Variants in IL2RA observed in about 807,000 individuals in gnomAD.
The protein encoded by IL2RA is interleukin 2 receptor subunit alpha.
A neutral mutation model predicts 37.8 loss-of-function variants in IL2RA; 24 were observed. The ratio of observed to expected loss-of-function variants is 0.63; its 90% confidence interval spans 0.46 to 0.89. The LOEUF is 0.89. Among genes scored for constraint, IL2RA ranks in the 40% least tolerant of loss-of-function variants. The pLI is 0.00. For missense variants in IL2RA, 319 were observed against 348.6 expected (o/e 0.92, Z 0.68); for synonymous variants, 125 against 114.6 (o/e 1.09, Z -0.58).
At position 6,046,402 on chromosome 10, in the gene IL2RA, C is replaced by T. The variant is rs891813249; in HGVS notation, c.64+15686G>A. The stretch of plus-strand genomic sequence containing the variant: ...AACAGCATCATAAAAGTGTCAAATC[C>T]GTGTGTTCACAGATGCTACCCCAGA... On this transcript the variant is annotated intron_variant, in intron 1 of 7. Coordinates refer to ENST00000379959, the MANE Select transcript of IL2RA (RefSeq NM_000417.3). This position sits in a 1 kb window ranked among gnomAD's most constrained non-coding sequence, Gnocchi z 4.8. Among the ~76,000 whole-genome samples, 2 of 152,088 alleles carry T rather than the reference C, an allele frequency of 1.3e-5. No individual in the cohort carries two copies. The highest frequency in any genetic ancestry group is 2.9e-5 in the Non-Finnish European group (2 of 68,016).
Position 6,022,004 on chromosome 10 carries a change from C to T in IL2RA, c.368-311G>A, listed in dbSNP as rs570627092. ...GCGATTCATTCTGGTTGGTGCGGCC[C>T]CGAGACAGGAACGCCACAACTGCCT... On this transcript the variant is annotated intron_variant, in intron 3 of 7. Coordinates refer to ENST00000379959, the MANE Select transcript of IL2RA (RefSeq NM_000417.3). This position sits in a 1 kb window ranked among gnomAD's most constrained non-coding sequence, Gnocchi z 4.7. 8.2e-4 allele frequency among the ~76,000 whole-genome samples: 125 copies of T among 152,140 alleles called. No individual in the cohort carries two copies. The highest frequency in any genetic ancestry group is 7.7e-4 in the East Asian group (4 of 5,180).
chr10:6,020,608 A>C lies in IL2RA; in HGVS notation c.584-667T>G, dbSNP rs1455541473. 1.3e-5 allele frequency among the ~76,000 whole-genome samples: 2 copies of C among 151,754 alleles called. No homozygotes were observed. Among genetic ancestry groups the C allele is most frequent in the African/African-American group, 4.8e-5 (2 of 41,256 alleles). On this transcript the variant is annotated intron_variant, in intron 4 of 7. Coordinates refer to ENST00000379959, the MANE Select transcript of IL2RA (RefSeq NM_000417.3). This position sits in a 1 kb window ranked among gnomAD's most constrained non-coding sequence, Gnocchi z 5.6. ...GAGTGCAGTGGTGTGATCTCAGCTC[A>C]CTGCAACTCCACCTCCTGGGTTCAA...
rs762837534 is a variant in IL2RA, at chr10:6,019,459, C to T, written c.696G>A (p.Thr232=). 1.4e-5 allele frequency: 22 copies of T among 1,613,548 alleles called. No individual in the cohort carries two copies. The highest frequency in any genetic ancestry group is 1.0e-4 in the Admixed American group (6 of 60,004). Residue 232 remains threonine, a synonymous_variant, in exon 6 of 8, where the codon ACG becomes ACA. Coordinates refer to ENST00000379959, the MANE Select transcript of IL2RA (RefSeq NM_000417.3). ...IQTEMAATME[T]SIFTTEYQVA... ...CCTGGTACTCTGTTGTAAATATGGA[C>T]GTCTCCATGGTTGCAGCCATTTCTG...
At chr10:6,024,133 C>T (rs1204263193) in intron 3 of IL2RA, 111 bp downstream of exon 3, 28 of 751,492 alleles carry the variant, frequency 3.7e-5, no homozygotes, top group Admixed American at 5.9e-5. Context: ...GAGCCACATG[C>T]ATGTGTTTAT....
At position 6,015,960 on chromosome 10, in the gene IL2RA, G is replaced by A. The variant is rs376530822; in HGVS notation, c.794+2093C>T. Among the ~76,000 whole-genome samples, 2 of 152,162 alleles carry A rather than the reference G, an allele frequency of 1.3e-5. No individual in the cohort carries two copies. Among genetic ancestry groups the A allele is most frequent in the African/African-American group, 2.4e-5 (1 of 41,422 alleles). Reference sequence around the variant, plus strand: ...TGGGGAGAATGGGGAACTTGGCAGTGTGGGGCTTCTCTTGGGAATGATGGA... The same window carrying A: ...TGGGGAGAATGGGGAACTTGGCAGTATGGGGCTTCTCTTGGGAATGATGGA... On this transcript the variant is annotated intron_variant, in intron 7 of 7. Coordinates refer to ENST00000379959, the MANE Select transcript of IL2RA (RefSeq NM_000417.3). The surrounding 1 kb of genome is among the most constrained non-coding windows in gnomAD (Gnocchi z 4.9).
At position 6,015,118 on chromosome 10, in the gene IL2RA, A is replaced by C. The variant is rs1839255396; in HGVS notation, c.795-2222T>G. ...TTTCTTTCTTTTTTTTTTTAAACAG[A>C]GTCTTGCTGTGTCACCCAGGGTGGA... On this transcript the variant is annotated intron_variant, in intron 7 of 7. Transcript: ENST00000379959. This position sits in a 1 kb window ranked among gnomAD's most constrained non-coding sequence, Gnocchi z 4.9. 6.7e-6 allele frequency among the ~76,000 whole-genome samples: 1 copy of C among 149,240 alleles called. No homozygotes were observed. The highest frequency in any genetic ancestry group is 2.1e-4 in the South Asian group (1 of 4,686).
chr10:6,050,446 G>C (rs558995128), intron 1 of IL2RA, among the ~76,000 whole-genome samples: 2 of 152,270 alleles, frequency 1.3e-5, no homozygotes, highest in African/African-American at 4.8e-5. Flanking sequence ...AGACCAGCCT[G>C]GCCAACATGG....
In IL2RA at chr10:6,054,472, G is replaced by C. The variant is rs779353213; in HGVS notation, c.64+7616C>G. ...GAAGCTGGGGGAGAAGCACTCACAT[G>C]CTGTCTGTCTGAGCAAAAGTATTCG... is the stretch of plus-strand genomic sequence containing the variant. On this transcript the variant is annotated intron_variant, in intron 1 of 7. Coordinates refer to ENST00000379959, the MANE Select transcript of IL2RA (RefSeq NM_000417.3). The surrounding 1 kb of genome is among the most constrained non-coding windows in gnomAD (Gnocchi z 4.5). Among the ~76,000 whole-genome samples, 1 of 152,210 alleles carries C rather than the reference G, an allele frequency of 6.6e-6. No homozygotes were observed. The highest frequency in any genetic ancestry group is 1.5e-5 in the Non-Finnish European group (1 of 68,044).
At position 6,051,836 on chromosome 10, in the gene IL2RA, T is replaced by TAGAGAGAGAGAG. The variant is rs1164269928; in HGVS notation, c.64+10251_64+10252insCTCTCTCTCTCT. ...GCCCAGCTATATATATATATATATA[T>TAGAGAGAGAGAG]ATATATAGAATTTTTTAAGGAAACA... is the stretch of plus-strand genomic sequence containing the variant. On this transcript the variant is annotated intron_variant, in intron 1 of 7. Transcript: ENST00000379959. Among the ~76,000 whole-genome samples, 77 of 121,450 alleles carry TAGAGAGAGAGAG rather than the reference T, an allele frequency of 6.3e-4. 3 individuals carry two copies. In the East Asian group the frequency reaches 9.0e-3, roughly 14 times the overall value. 79.7% of individuals were successfully genotyped at this position (121,450 alleles called of 152,430 possible). A position where few individuals can be genotyped will look rare whatever the true frequency, so the allele number is the denominator to read the frequency against.
chr10:6,059,079 C>T (rs1840087965), intron 1 of IL2RA, among the ~76,000 whole-genome samples: 1 of 152,226 alleles, frequency 6.6e-6, no homozygotes, highest in Non-Finnish European at 1.5e-5. Context: ...GAGAAAAAGT[C>T]TGTGATGAGA....
chr10:6,018,343 G>A lies in IL2RA; in HGVS notation c.728-224C>T, dbSNP rs1230961669. ...TGAGGGTGGAGGGAGCTTCCCCTCA[G>A]GAGGCACCCTTCTCTCACAAAAGCC... is the stretch of plus-strand genomic sequence containing the variant. On this transcript the variant is annotated intron_variant, in intron 6 of 7. Coordinates refer to ENST00000379959, the MANE Select transcript of IL2RA (RefSeq NM_000417.3). The surrounding 1 kb of genome is among the most constrained non-coding windows in gnomAD (Gnocchi z 5.1). 1.3e-5 allele frequency among the ~76,000 whole-genome samples: 2 copies of A among 152,148 alleles called. No individual in the cohort carries two copies. Among genetic ancestry groups the A allele is most frequent in the Non-Finnish European group, 2.9e-5 (2 of 68,020 alleles).
intron 1 of IL2RA, among the ~76,000 whole-genome samples, chr10:6,045,122 G>C (rs75759207): frequency 6.6e-6 from 1 of 152,146 alleles, no homozygotes; most frequent in Non-Finnish European, 1.5e-5. Flanking sequence ...GGAGATCTCC[G>C]AGCACTTGGA....
intron 1 of IL2RA, among the ~76,000 whole-genome samples, chr10:6,061,362 G>A (rs796717223): frequency 2.6e-4 from 39 of 152,060 alleles, no homozygotes; most frequent in African/African-American, 8.0e-4. Flanking sequence ...CTCCAGTCTG[G>A]CTGACAGAGA....
At chr10:6,031,030 G>C (rs959258561) in intron 1 of IL2RA, among the ~76,000 whole-genome samples, 1 of 151,930 alleles carries the variant, frequency 6.6e-6, no homozygotes, top group Admixed American at 6.6e-5. Flanking sequence ...CCAAACTGAA[G>C]AGAGAAAAGG....
In IL2RA at chr10:6,029,313, C is replaced by T. The variant is rs751176950; in HGVS notation, c.65-3288G>A. Among the ~76,000 whole-genome samples, 59 of 151,808 alleles carry T rather than the reference C, an allele frequency of 3.9e-4. No individual in the cohort carries two copies. The highest frequency in any genetic ancestry group is 8.7e-4 in the African/African-American group (36 of 41,384). ...CCAAGTAGCTGGGATTATAGGTGTG[C>T]GCCAACACGTCTGGCTACTTTTTGT... is the stretch of plus-strand genomic sequence containing the variant. On this transcript the variant is annotated intron_variant, in intron 1 of 7. Transcript: ENST00000379959. This position sits in a 1 kb window ranked among gnomAD's most constrained non-coding sequence, Gnocchi z 4.6.
In IL2RA at chr10:6,016,269, C is replaced by T. The variant is rs1490069429; in HGVS notation, c.794+1784G>A. On this transcript the variant is annotated intron_variant, in intron 7 of 7. Coordinates refer to ENST00000379959, the MANE Select transcript of IL2RA (RefSeq NM_000417.3). ...CCTTCTGCCTTCTGCCACAGGATGA[C>T]GTAGCACAAACGCCCTTGATACATG... Among the ~76,000 whole-genome samples, 11 of 152,322 alleles carry T rather than the reference C, an allele frequency of 7.2e-5. 1 individual carries two copies. The South Asian group carries it at 8.3e-4, about 11-fold the overall frequency.
At chr10:6,024,477 T>C in intron 2 of IL2RA, 123 bp from the exon 3 acceptor site, 1 of 750,290 alleles carries the variant, frequency 1.3e-6, no homozygotes, top group South Asian at 1.6e-5. Context: ...TGGTGGTGTC[T>C]GGCTGCTGAG....
At position 6,015,874 on chromosome 10, in the gene IL2RA, C is replaced by T. The variant is rs1281625867; in HGVS notation, c.794+2179G>A. ...AAAAGGCCACGTGATTCCATTTACA[C>T]GAAATGTCCAGAATAGGCAAATCCA... On this transcript the variant is annotated intron_variant, in intron 7 of 7. Coordinates refer to ENST00000379959, the MANE Select transcript of IL2RA (RefSeq NM_000417.3). This position sits in a 1 kb window ranked among gnomAD's most constrained non-coding sequence, Gnocchi z 4.9. 1.3e-5 allele frequency among the ~76,000 whole-genome samples: 2 copies of T among 151,988 alleles called. No individual in the cohort carries two copies. Among genetic ancestry groups the T allele is most frequent in the African/African-American group, 4.8e-5 (2 of 41,350 alleles).
At position 6,056,549 on chromosome 10, in the gene IL2RA, C is replaced by G. The variant is rs1195682594; in HGVS notation, c.64+5539G>C. Among the ~76,000 whole-genome samples the G allele has an allele frequency of 6.6e-6, 1 of 152,042 alleles. No homozygotes were observed. Among genetic ancestry groups the G allele is most frequent in the African/African-American group, 2.4e-5 (1 of 41,384 alleles). Reference sequence around the variant, plus strand: ...GATGGATGGCTTGAGGCTCGGAGTTCAAGACCAGCCTACGCAACATAGCAA... The same window carrying G: ...GATGGATGGCTTGAGGCTCGGAGTTGAAGACCAGCCTACGCAACATAGCAA... On this transcript the variant is annotated intron_variant, in intron 1 of 7. Coordinates refer to ENST00000379959, the MANE Select transcript of IL2RA (RefSeq NM_000417.3). This position sits in a 1 kb window ranked among gnomAD's most constrained non-coding sequence, Gnocchi z 5.0.
Sources: gnomAD v4.1 joint callset for allele counts (sites outside exome capture counted in the v4.1 genomes callset) on GRCh38, gnomAD v4.1.1 for gene constraint, Gnocchi (gnomAD v3.1) non-coding constraint, MANE v1.5 for transcripts, NCBI Gene and HGNC (gene_info 2026-07-23, HGNC 2026-07-21) for gene names.